Variants in PRSS41 observed in about 807,000 individuals in gnomAD.
PRSS41 encodes protease, serine 41.
A neutral mutation model predicts 28.8 loss-of-function variants in PRSS41; 37 were observed. The observed-to-expected ratio is 1.29, with a 90% CI of 0.99 to 1.69. PRSS41 has a LOEUF of 1.69. PRSS41 is among the 40% of genes most tolerant of loss of function. The pLI is 0.00. For missense variants in PRSS41, 431 were observed against 400.7 expected, an observed-to-expected ratio of 1.08 and a Z score of -0.65; for synonymous variants, 195 against 163.1, an observed-to-expected ratio of 1.20 and a Z score of -1.49.
Position 2,798,637 on chromosome 16 carries a change from G to A in PRSS41, c.66G>A (p.Glu22=), listed in dbSNP as rs1461281025. The change falls in exon 2 of 6, where the codon GAG becomes GAA. Residue 22 remains glutamate (E), a splice_region_variant and synonymous_variant. Coordinates refer to ENST00000399677, the Ensembl canonical transcript of PRSS41. ...AGGGTCACTTCTTGTGTCCTGCAGA[G>A]TCGCAGGAGGAGGAGCTGTTGTCAG... 3 of 1,497,404 alleles carry A rather than the reference G, an allele frequency of 2.0e-6. No individual in the cohort carries two copies. In the Admixed American group the frequency reaches 7.3e-5, roughly 36 times the overall value. The allele number at this position is 1,497,404 out of a possible 1,614,324, so 92.8% of individuals were successfully genotyped here. A position where few individuals can be genotyped will look rare whatever the true frequency, so the allele number is the denominator to read the frequency against.
chr16:2,799,001 G>C (rs1379761242), exon 3 of PRSS41: 16 of 1,532,392 alleles, frequency 1.0e-5, no homozygotes, highest in Non-Finnish European at 1.3e-5. Flanking sequence ...GTGGCGGGCG[G>C]AGTGGAGTCC....
At chr16:2,802,227 T>C (rs1392571439) in intron 4 of PRSS41, among the ~76,000 whole-genome samples, 2 of 145,632 alleles carry the variant, frequency 1.4e-5, no homozygotes, top group African/African-American at 5.2e-5. Context: ...GCAGAGGCGC[T>C]CCTCACATCC....
intron 4 of PRSS41, among the ~76,000 whole-genome samples, chr16:2,800,873 G>C (rs554720119): frequency 6.6e-6 from 1 of 152,208 alleles, no homozygotes; most frequent in Non-Finnish European, 1.5e-5. Flanking sequence ...ACATTGTATA[G>C]CTATATGAAA....
chr16:2,801,730 A>AT (rs913732852), intron 4 of PRSS41, among the ~76,000 whole-genome samples: 6 of 152,168 alleles, frequency 3.9e-5, no homozygotes, highest in African/African-American at 1.4e-4. Flanking sequence ...AAAGTCTCCC[A>AT]TGTCTACCTC....
At chr16:2,801,996 G>A (rs1442419679) in intron 4 of PRSS41, among the ~76,000 whole-genome samples, 5 of 150,510 alleles carry the variant, frequency 3.3e-5, no homozygotes, top group Non-Finnish European at 5.9e-5. Flanking sequence ...CCTCCCGGAC[G>A]GGGCGGCTGG....
intron 4 of PRSS41, among the ~76,000 whole-genome samples, chr16:2,803,388 AC>A (rs2069001996): frequency 6.6e-6 from 1 of 152,082 alleles, no homozygotes; most frequent in Admixed American, 6.5e-5. Context: ...CCTTATAATA[AC>A]CTACTTTGAA....
chr16:2,798,817 G>C (rs2068965161), intron 2 of PRSS41, 142 bp from the exon 3 acceptor site: 1 of 1,193,994 alleles, frequency 8.4e-7, no homozygotes, highest in Non-Finnish European at 1.1e-6. Flanking sequence ...CACCACGTGG[G>C]AGGGTCCCTA....
At chr16:2,802,022 A>C (rs2068990670) in intron 4 of PRSS41, among the ~76,000 whole-genome samples, 1 of 132,524 alleles carries the variant, frequency 7.5e-6, no homozygotes, top group African/African-American at 3.0e-5. Context: ...CGTGGGGCTG[A>C]CCCCCCCCAC....
intron 4 of PRSS41, among the ~76,000 whole-genome samples, chr16:2,802,864 A>G (rs907764351): frequency 6.9e-6 from 1 of 145,100 alleles, no homozygotes; most frequent in Middle Eastern, 3.3e-3. Flanking sequence ...GACCGTGGGG[A>G]GAGGGAGAGG....
At chr16:2,799,522 G>A (rs769075088) in exon 4 of PRSS41, 25 of 1,551,660 alleles carry the variant, frequency 1.6e-5, no homozygotes, top group Non-Finnish European at 2.1e-5. Context: ...TTCGTGCACC[G>A]GCCGGACTGC....
At chr16:2,804,984 G>A in exon 6 of PRSS41, 4 of 1,585,482 alleles carry the variant, frequency 2.5e-6, no homozygotes, top group Non-Finnish European at 3.4e-6. Flanking sequence ...GTGAGCTGGG[G>A]AATGGACTGC....
intron 3 of PRSS41, 50 bp downstream of exon 3, chr16:2,799,174 A>G: frequency 2.0e-6 from 3 of 1,506,068 alleles, no homozygotes; most frequent in Non-Finnish European, 2.7e-6. Flanking sequence ...GGCCTCCAGG[A>G]TGAGCAAACA....
intron 2 of PRSS41, 60 bp downstream of exon 2, chr16:2,798,722 C>T: frequency 7.3e-7 from 1 of 1,364,738 alleles, no homozygotes; most frequent in Non-Finnish European, 9.6e-7. Context: ...GCACGGGGGC[C>T]CATCTACTGC....
intron 4 of PRSS41, among the ~76,000 whole-genome samples, chr16:2,801,746 A>G (rs1258106217): frequency 6.6e-6 from 1 of 152,200 alleles, no homozygotes; most frequent in African/African-American, 2.4e-5. Context: ...ACCTCTTTCT[A>G]CACAGACACG....
chr16:2,800,573 CAG>C (rs2068979622), intron 4 of PRSS41, among the ~76,000 whole-genome samples: 1 of 146,056 alleles, frequency 6.8e-6, no homozygotes, highest in Non-Finnish European at 1.5e-5. Context: ...AGATAAAAAA[CAG>C]TATACCTGTG....
In PRSS41 at chr16:2,798,560, G is replaced by T. The variant is rs1323054333; in HGVS notation, c.64+12G>T. 1 of 1,532,580 alleles carries T rather than the reference G, an allele frequency of 6.5e-7. No homozygotes were observed. The allele number at this position is 1,532,580 out of a possible 1,614,324, so 94.9% of individuals were successfully genotyped here. ...ACTCGGGAAGCCGGGTGAGCTCGGG[G>T]CGCTACAGGCGGGACCGGGGGCAGC... On this transcript the variant is annotated intron_variant, in intron 1 of 5. Transcript: ENST00000399677.
rs986456667 is a variant in PRSS41, at chr16:2,799,588, C to T, written c.541+19C>T. 2.0e-5 allele frequency: 31 copies of T among 1,549,628 alleles called. No homozygotes were observed. Among genetic ancestry groups the T allele is most frequent in the South Asian group, 1.5e-4 (13 of 83,962 alleles). ...AGTGGCAGTGAGGCTGGGGATAGAC[C>T]GGGTGGGGTGATGGGGGTGCGGGGT... On this transcript the variant is annotated intron_variant, in intron 4 of 5. Transcript: ENST00000399677.
chr16:2,798,921 C>T (rs989483818), intron 2 of PRSS41, 38 bp from the exon 3 acceptor site: 5 of 1,505,760 alleles, frequency 3.3e-6, no homozygotes, highest in African/African-American at 2.8e-5. Flanking sequence ...CACCCCACCC[C>T]ACCCGGCAGC....
intron 4 of PRSS41, among the ~76,000 whole-genome samples, chr16:2,801,739 T>A (rs1332200114): frequency 1.3e-5 from 2 of 152,226 alleles, no homozygotes; most frequent in Non-Finnish European, 2.9e-5. Flanking sequence ...CATGTCTACC[T>A]CTTTCTACAC....
Sources: allele counts gnomAD v4.1 joint callset (sites outside exome capture counted in the v4.1 genomes callset), GRCh38; gene constraint gnomAD v4.1.1; transcripts MANE v1.5; gene names NCBI Gene and HGNC (gene_info 2026-07-23, HGNC 2026-07-21).